The following COL24A1 variants were observed in gnomAD, a reference collection of about 807,000 sequenced individuals.
COL24A1 encodes collagen type XXIV alpha 1 chain, also known as collagen alpha-1(XXIV) chain.
In COL24A1, 224 loss-of-function variants were observed where a neutral mutation model predicts 253.9. The observed-to-expected ratio is 0.88, with a 90% CI of 0.79 to 0.99. The LOEUF is 0.99. Ranked by LOEUF, COL24A1 falls within the 50% of genes least tolerant of loss-of-function variation. The pLI, the probability that COL24A1 is intolerant of heterozygous loss-of-function variation, is 0.00. For synonymous variants in COL24A1, 685 were observed against 673.7 expected (o/e 1.02, Z -0.26); for missense variants, 2,131 against 2,068.5 (o/e 1.03, Z -0.59).
At chr1:85,900,477 A>G (rs1230154352) in intron 28 of COL24A1, among the ~76,000 whole-genome samples, 1 of 152,026 alleles carries the variant, frequency 6.6e-6, no homozygotes, top group African/African-American at 2.4e-5. Context: ...TGTCTCTACA[A>G]AAAATTTAAA....
chr1:86,033,593 C>G (rs1438194754), intron 13 of COL24A1, among the ~76,000 whole-genome samples: 3 of 152,000 alleles, frequency 2.0e-5, no homozygotes, highest in African/African-American at 7.2e-5. Flanking sequence ...GTATAAGAGA[C>G]AGTATTGTGA....
intron 43 of COL24A1, among the ~76,000 whole-genome samples, 188 bp from the exon 44 acceptor site, chr1:85,823,926 T>G (rs1673928907): frequency 1.3e-5 from 2 of 151,894 alleles, no homozygotes; most frequent in African/African-American, 4.8e-5. Context: ...TGAAAACAAG[T>G]TAGGGTTTTC....
intron 24 of COL24A1, among the ~76,000 whole-genome samples, chr1:85,955,865 A>G (rs1690410116): frequency 6.6e-6 from 1 of 152,242 alleles, no homozygotes; most frequent in African/African-American, 2.4e-5. Flanking sequence ...TATCACAAAT[A>G]CATTAAGTTA....
chr1:85,771,190 T>C (rs972635046), intron 53 of COL24A1, among the ~76,000 whole-genome samples: 1 of 152,126 alleles, frequency 6.6e-6, no homozygotes, highest in African/African-American at 2.4e-5. Context: ...GCCATGGTGG[T>C]TTGCTGCACC....
In COL24A1 at chr1:85,874,835, T is replaced by C. The variant is rs927486441; in HGVS notation, c.3085-133A>G. 4.4e-6 allele frequency: 4 copies of C among 900,118 alleles called. No individual in the cohort carries two copies. In the African/African-American group the frequency reaches 6.7e-5, roughly 15 times the overall value. The allele number at this position is 900,118 out of a possible 1,614,324, so 55.8% of individuals were successfully genotyped here. The stretch of plus-strand genomic sequence containing the variant: ...TACCTGTCCAAGGCCTGTTAGGAAA[T>C]GGGCTGCAAAACAGCAGGTGAGCAG... On this transcript the variant is annotated intron_variant, in intron 34 of 59. Coordinates refer to ENST00000370571, the MANE Select transcript of COL24A1 (RefSeq NM_152890.7).
intron 52 of COL24A1, among the ~76,000 whole-genome samples, chr1:85,778,591 T>C (rs1668834113): frequency 6.8e-6 from 1 of 146,920 alleles, no homozygotes; most frequent in African/African-American, 2.5e-5. Context: ...GTTAGTTTTC[T>C]AGATTATTCT....
At chr1:85,737,028 T>C (rs563379318) in intron 58 of COL24A1, among the ~76,000 whole-genome samples, 1 of 152,288 alleles carries the variant, frequency 6.6e-6, no homozygotes, top group Non-Finnish European at 1.5e-5. Flanking sequence ...GATTATAATA[T>C]AATTTTCAGC....
intron 14 of COL24A1, among the ~76,000 whole-genome samples, chr1:86,028,922 G>A (rs17414568): frequency 0.087 from 13,201 of 152,190 alleles, 702 homozygotes; most frequent in Middle Eastern, 0.19. Context: ...GTATGTCATG[G>A]ACATGTGGGT....
rs141827930 is a variant in COL24A1 at position 85,875,716 on chromosome 1, GACACACACACACACACACAC to G, written c.3031-406_3031-387del. On this transcript the variant is annotated intron_variant, in intron 33 of 59. Coordinates refer to ENST00000370571, the MANE Select transcript of COL24A1 (RefSeq NM_152890.7). ...AGATAAATTTATTCACATTATAAAA[GACACACACACACACACACAC>G]ACACACACACACACACACACACACA... Among the ~76,000 whole-genome samples the G allele has an allele frequency of 3.4e-3, 485 of 141,102 alleles. 8 individuals are homozygous for G. The East Asian group carries it at 0.037, about 11-fold the overall frequency. The allele number at this position is 141,102 out of a possible 152,430, so 92.6% of individuals were successfully genotyped here. A position where few individuals can be genotyped will look rare whatever the true frequency, so the allele number is the denominator to read the frequency against.
At chr1:85,845,698 T>C (rs565019349) in intron 39 of COL24A1, among the ~76,000 whole-genome samples, 2 of 151,796 alleles carry the variant, frequency 1.3e-5, no homozygotes, top group Non-Finnish European at 3.0e-5. Flanking sequence ...ACTAAGTTGA[T>C]GTAACAGAAA....
chr1:86,063,558 C>A (rs1005752700), intron 8 of COL24A1, among the ~76,000 whole-genome samples, 157 bp downstream of exon 8: 2 of 151,910 alleles, frequency 1.3e-5, no homozygotes, highest in African/African-American at 4.8e-5. Context: ...ATAAAAAGAT[C>A]TACAGCTAAT....
chr1:86,119,267 G>T (rs1706467401), intron 3 of COL24A1, among the ~76,000 whole-genome samples: 1 of 152,092 alleles, frequency 6.6e-6, no homozygotes, highest in African/African-American at 2.4e-5. Flanking sequence ...TGGAGCGAAG[G>T]TGTTGAGAGA....
intron 37 of COL24A1, among the ~76,000 whole-genome samples, chr1:85,864,133 A>G (rs1344699427): frequency 2.6e-5 from 4 of 152,184 alleles, no homozygotes; most frequent in Admixed American, 2.0e-4. Flanking sequence ...CACAATAGCA[A>G]AGACTTGGAA....
intron 19 of COL24A1, among the ~76,000 whole-genome samples, chr1:85,997,763 GAAAA>G (rs56060135): frequency 1.5e-4 from 21 of 136,196 alleles, no homozygotes; most frequent in South Asian, 2.3e-4. Flanking sequence ...CCTGGCTACA[GAAAA>G]AAAAAAAAAA....
intron 2 of COL24A1, among the ~76,000 whole-genome samples, chr1:86,131,374 T>A (rs1649154566): frequency 6.6e-6 from 1 of 152,034 alleles, no homozygotes; most frequent in Non-Finnish European, 1.5e-5. Context: ...TTCTTTTTTA[T>A]ATATATACTT....
At chr1:85,819,506 C>T (rs1395720308) in intron 45 of COL24A1, among the ~76,000 whole-genome samples, 6 of 151,768 alleles carry the variant, frequency 4.0e-5, no homozygotes, top group Non-Finnish European at 8.8e-5. Flanking sequence ...TCCAATGAAA[C>T]TCATGGTGGG....
intron 14 of COL24A1, among the ~76,000 whole-genome samples, chr1:86,029,611 AT>A (rs199577782): frequency 0.35 from 44,894 of 129,352 alleles, 7,737 homozygotes; most frequent in Middle Eastern, 0.57. Flanking sequence ...TATTTATTTG[AT>A]TTTTTTTTTT....
chr1:86,105,083 T>A (rs1057365151), intron 5 of COL24A1, among the ~76,000 whole-genome samples: 2 of 152,138 alleles, frequency 1.3e-5, no homozygotes, highest in Non-Finnish European at 2.9e-5. Context: ...GAGGGTCCAC[T>A]GTTCTTTGTG....
At chr1:85,767,252 C>G (rs985257238) in intron 53 of COL24A1, among the ~76,000 whole-genome samples, 1 of 152,208 alleles carries the variant, frequency 6.6e-6, no homozygotes, top group East Asian at 1.9e-4. Context: ...CAAAAATGCA[C>G]CATTTACTAG....
Sources: gnomAD v4.1 joint callset for allele counts (sites outside exome capture counted in the v4.1 genomes callset) on GRCh38, gnomAD v4.1.1 for gene constraint, MANE v1.5 for transcripts, NCBI Gene and HGNC (gene_info 2026-07-23, HGNC 2026-07-21) for gene names.